The following PPFIA3 variants were observed in gnomAD, a reference collection of about 807,000 sequenced individuals.
The protein encoded by PPFIA3 is PPFI scaffold protein A3, also known as liprin-alpha-3.
Under a neutral mutation model 145.8 loss-of-function variants are expected in PPFIA3, and 26 were observed. That is an observed-to-expected ratio of 0.18 (90% confidence interval 0.13 to 0.25). The LOEUF is 0.25. Among genes scored for constraint, PPFIA3 ranks in the 10% least tolerant of loss-of-function variants. PPFIA3 has a pLI of 1.00. For synonymous variants in PPFIA3, 645 were observed against 661.4 expected (o/e 0.98, Z 0.38); for missense variants, 1,008 against 1,587.8 (o/e 0.63, Z 6.21).
At chr19:49,147,429 T>C (rs1225150204) in intron 23 of PPFIA3, among the ~76,000 whole-genome samples, 2 of 152,052 alleles carry the variant, frequency 1.3e-5, no homozygotes, top group Non-Finnish European at 2.9e-5. Context: ...CTCATGCCTG[T>C]AATCCCAGCA....
intron 24 of PPFIA3, 113 bp downstream of exon 24, chr19:49,148,371 C>A: frequency 8.2e-7 from 1 of 1,213,908 alleles, no homozygotes; most frequent in Non-Finnish European, 1.1e-6. Context: ...GCCCTTTTAG[C>A]CTGAGTTCTC....
At chr19:49,139,864 A>G (rs1363992260) in intron 17 of PPFIA3, 33 bp downstream of exon 17, 2 of 1,610,592 alleles carry the variant, frequency 1.2e-6, no homozygotes, top group South Asian at 2.2e-5. Flanking sequence ...GACAGGGAGA[A>G]GCTGGCTTGG....
intron 1 of PPFIA3, among the ~76,000 whole-genome samples, chr19:49,125,933 G>GT (rs67726449): frequency 0.51 from 76,589 of 149,148 alleles, 20,159 homozygotes; most frequent in Non-Finnish European, 0.57. Flanking sequence ...TATTTTTTTT[G>GT]TTTTTTTTTG....
intron 16 of PPFIA3, 36 bp downstream of exon 16, chr19:49,138,463 G>A: frequency 2.7e-6 from 4 of 1,462,978 alleles, no homozygotes; most frequent in Non-Finnish European, 3.6e-6. Context: ...CTAGTAGGGG[G>A]ATGGGGAGAG....
In PPFIA3 at chr19:49,133,267, T is replaced by C; in HGVS notation, c.1057T>C (p.Trp353Arg). The stretch of plus-strand genomic sequence containing the variant: ...AGAGAAGAGCCGTCAGCTGGCCGAG[T>C]GGTTGGACGACGCCAAGCAGAAGCT... ...SEEKSRQLAE[W>R]LDDAKQKLQQ... Residue 353 changes from tryptophan to arginine, a missense_variant, in exon 9 of 30, where the codon TGG becomes CGG. Trp to Arg is a moderately radical substitution (Grantham distance 101, BLOSUM62 -3). Coordinates refer to ENST00000334186, the MANE Select transcript of PPFIA3 (RefSeq NM_003660.4). This position sits in a 1 kb window ranked among gnomAD's most constrained non-coding sequence, Gnocchi z 7.2. The C allele has an allele frequency of 1.2e-6, 2 of 1,603,632 alleles. No individual in the cohort carries two copies. The highest frequency in any genetic ancestry group is 2.2e-4 in the Middle Eastern group (1 of 4,604).
intron 13 of PPFIA3, 47 bp downstream of exon 13, chr19:49,134,962 C>G (rs2041120184): frequency 6.9e-7 from 1 of 1,459,198 alleles, no homozygotes; most frequent in Non-Finnish European, 9.2e-7. Context: ...GCCCCGTTGG[C>G]CAAGCGCCAA....
chr19:49,126,966 T>C (rs1352926192), intron 1 of PPFIA3, among the ~76,000 whole-genome samples: 3 of 150,190 alleles, frequency 2.0e-5, no homozygotes, highest in Non-Finnish European at 2.9e-5. Context: ...CCAAATCCTC[T>C]CACCCAGGTA....
chr19:49,142,535 T>TTC (rs927501462), intron 20 of PPFIA3, among the ~76,000 whole-genome samples: 2 of 147,838 alleles, frequency 1.4e-5, no homozygotes, highest in African/African-American at 5.0e-5. Flanking sequence ...CTCTATTTCT[T>TTC]TCTCTCTCTC....
rs995904131 is a variant in PPFIA3 at position 49,139,573 on chromosome 19, C to T, written c.2077-95C>T. On this transcript the variant is annotated intron_variant, in intron 16 of 29. Coordinates refer to ENST00000334186, the MANE Select transcript of PPFIA3 (RefSeq NM_003660.4). ...CGTATACTGTGTTCTAAACCAGGGT[C>T]ACCCCACACACACCTTAGTAGACAT... 6 of 1,324,466 alleles carry T rather than the reference C, an allele frequency of 4.5e-6. No homozygotes were observed. In the East Asian group the frequency reaches 9.6e-5, roughly 21 times the overall value. The allele number at this position is 1,324,466 out of a possible 1,614,324, so 82.0% of individuals were successfully genotyped here.
intron 7 of PPFIA3, 124 bp from the exon 8 acceptor site, chr19:49,132,877 A>C: frequency 7.9e-7 from 1 of 1,272,938 alleles, no homozygotes; most frequent in Non-Finnish European, 1.1e-6. Context: ...GGGAGCTCTT[A>C]GCGGGTGTGA....
At chr19:49,144,380 G>A (rs2041257575) in intron 21 of PPFIA3, among the ~76,000 whole-genome samples, 1 of 152,166 alleles carries the variant, frequency 6.6e-6, no homozygotes, top group Admixed American at 6.5e-5. Flanking sequence ...TGTCACATGA[G>A]GTCAGGTGGG....
chr19:49,142,023 C>T lies in PPFIA3; in HGVS notation c.2463-11C>T. On this transcript the variant is annotated splice_polypyrimidine_tract_variant and intron_variant, in intron 19 of 29. Coordinates refer to ENST00000334186, the MANE Select transcript of PPFIA3 (RefSeq NM_003660.4). ...CTGACAGCTTCTATCCTGGCCCCTT[C>T]ACCCTTACAGGCATGAACTCCTGGA... The T allele has an allele frequency of 6.4e-7, 1 of 1,558,486 alleles. No individual in the cohort carries two copies. The highest frequency in any genetic ancestry group is 1.9e-5 in the Admixed American group (1 of 51,522).
intron 20 of PPFIA3, among the ~76,000 whole-genome samples, 189 bp from the exon 21 acceptor site, chr19:49,142,615 C>T (rs1483750166): frequency 2.4e-5 from 3 of 125,388 alleles, no homozygotes; most frequent in Non-Finnish European, 4.9e-5. Flanking sequence ...CTATTTGTCT[C>T]CCTCGGACTC....
rs1447168396 is a variant in PPFIA3, at chr19:49,149,530, C to T, written c.3355-17C>T. On this transcript the variant is annotated splice_polypyrimidine_tract_variant and intron_variant, in intron 27 of 29. Coordinates refer to ENST00000334186, the MANE Select transcript of PPFIA3 (RefSeq NM_003660.4). This position sits in a 1 kb window ranked among gnomAD's most constrained non-coding sequence, Gnocchi z 5.7. ...AAGGCAGGAGTCCCTCACCGGCTGT[C>T]CGGCTCCTATACCTAGGACAGCGCC... 1 of 1,613,932 alleles carries T rather than the reference C, an allele frequency of 6.2e-7. No homozygotes were observed.
chr19:49,149,996 G>T lies in PPFIA3; in HGVS notation c.3527-84G>T. ...AGCCCGGCGATCGTTGTGACATCGG[G>T]AAGGGAAGTCCAAAGGGAGGAATCC... On this transcript the variant is annotated intron_variant, in intron 28 of 29. Transcript: ENST00000334186. The surrounding 1 kb of genome is among the most constrained non-coding windows in gnomAD (Gnocchi z 5.7). The T allele has an allele frequency of 6.9e-7, 1 of 1,459,458 alleles. No individual in the cohort carries two copies. The allele number at this position is 1,459,458 out of a possible 1,614,324, so 90.4% of individuals were successfully genotyped here.
rs1340098755 is a variant in PPFIA3 at position 49,130,335 on chromosome 19, C to T, written c.658-43C>T. 2 of 1,512,064 alleles carry T rather than the reference C, an allele frequency of 1.3e-6. No individual in the cohort carries two copies. Among genetic ancestry groups the T allele is most frequent in the Non-Finnish European group, 1.8e-6 (2 of 1,115,284 alleles). The allele number at this position is 1,512,064 out of a possible 1,614,324, so 93.7% of individuals were successfully genotyped here. ...TCTCCTTGGATTTCCTCTGTGTCTC[C>T]GGAGACACTCTGGGATCTTGTCCCC... On this transcript the variant is annotated intron_variant, in intron 6 of 29. Transcript: ENST00000334186. The surrounding 1 kb of genome is among the most constrained non-coding windows in gnomAD (Gnocchi z 4.5).
rs1010536969 is a variant in PPFIA3, at chr19:49,130,948, G to T, written c.879+349G>T. Among the ~76,000 whole-genome samples the T allele has an allele frequency of 1.3e-5, 2 of 151,212 alleles. No individual in the cohort carries two copies. Among genetic ancestry groups the T allele is most frequent in the African/African-American group, 2.4e-5 (1 of 41,064 alleles). On this transcript the variant is annotated intron_variant, in intron 7 of 29. Coordinates refer to ENST00000334186, the MANE Select transcript of PPFIA3 (RefSeq NM_003660.4). The surrounding 1 kb of genome is among the most constrained non-coding windows in gnomAD (Gnocchi z 4.5). ...GTGATCTTGGCTTACTGCCACCTCTGCCTCCCGGGTTCAAGAGATTCTCCT... is the reference window on the plus strand; with the variant it reads ...GTGATCTTGGCTTACTGCCACCTCTTCCTCCCGGGTTCAAGAGATTCTCCT...
intron 20 of PPFIA3, 50 bp from the exon 21 acceptor site, chr19:49,142,754 C>T: frequency 2.9e-6 from 4 of 1,356,176 alleles, no homozygotes; most frequent in Non-Finnish European, 4.0e-6. Flanking sequence ...CTCCGATTTT[C>T]TCCTCCTCTG....
chr19:49,141,308 CACT>C, intron 18 of PPFIA3, 109 bp from the exon 19 acceptor site: 1 of 729,380 alleles, frequency 1.4e-6, no homozygotes, highest in Non-Finnish European at 2.4e-6. Context: ...TGCCCTCACT[CACT>C]ACTCCCTCAG....
Sources: allele counts gnomAD v4.1 joint callset (sites outside exome capture counted in the v4.1 genomes callset), GRCh38; gene constraint gnomAD v4.1.1; non-coding constraint Gnocchi (gnomAD v3.1); transcripts MANE v1.5; gene names NCBI Gene and HGNC (gene_info 2026-07-23, HGNC 2026-07-21).